NMRK2: variants seen among roughly 807,000 people sequenced by gnomAD.
NMRK2 encodes the protein NRK 2.
NMRK2 carries 34 observed loss-of-function variants against 24.7 expected under a neutral mutation model. The observed-to-expected ratio is 1.37, with a 90% confidence interval of 1.05 to 1.83. NMRK2 has a LOEUF of 1.83. Among genes scored for constraint, NMRK2 ranks in the 40% most tolerant of loss-of-function variants. NMRK2 has a pLI of 0.00. For synonymous variants in NMRK2, 145 were observed against 125.6 expected (o/e 1.15, Z -1.03); for missense variants, 341 against 315.0 (o/e 1.08, Z -0.62).
intron 5 of NMRK2, among the ~76,000 whole-genome samples, chr19:3,939,092 G>A (rs1433258843): frequency 6.6e-6 from 1 of 151,314 alleles, no homozygotes; most frequent in African/African-American, 2.4e-5. Context: ...CAAGCCATCC[G>A]CCCGCCTCGG....
chr19:3,940,224 G>C (rs991599899), intron 6 of NMRK2, among the ~76,000 whole-genome samples: 8 of 145,424 alleles, frequency 5.5e-5, no homozygotes, highest in Non-Finnish European at 9.0e-5. Context: ...GCGTGCACCT[G>C]TAATTCCAGC....
chr19:3,941,943 C>T (rs749485858), intron 7 of NMRK2, 140 bp from the exon 8 acceptor site: 101 of 660,562 alleles, frequency 1.5e-4, no homozygotes, highest in Non-Finnish European at 2.3e-4. Context: ...GCCCGGCCCC[C>T]TCTTGCTGTT....
intron 5 of NMRK2, 148 bp downstream of exon 5, chr19:3,938,907 G>A (rs2145302027): frequency 1.6e-6 from 1 of 629,046 alleles, no homozygotes; most frequent in South Asian, 2.7e-5. Context: ...GGAGTGCAGT[G>A]GTGAGATCCT....
intron 2 of NMRK2, among the ~76,000 whole-genome samples, chr19:3,934,651 G>C (rs1274275933): frequency 6.6e-6 from 1 of 150,888 alleles, no homozygotes; most frequent in Non-Finnish European, 1.5e-5. Flanking sequence ...GTGTGATCTC[G>C]GCTCACTGCA....
At position 3,939,910 on chromosome 19, in the gene NMRK2, G is replaced by A; in HGVS notation, c.334G>A (p.Asp112Asn). ...FLLYSYKPLV[D>N]LYSRRYFLTV... is the part of the protein sequence containing the mutation. ...CCCCACTCCGCCCAGGCCCCTGGTG[G>A]ACTTGTACAGCCGCCGGTACTTCCT... is the stretch of plus-strand genomic sequence containing the variant. The change falls in exon 6 of 8, where the codon GAC becomes AAC. Residue 112 changes from aspartate to asparagine, a missense_variant. Transcript: ENST00000168977. The A allele has an allele frequency of 6.2e-7, 1 of 1,612,466 alleles. No homozygotes were observed. The highest frequency in any genetic ancestry group is 8.5e-7 in the Non-Finnish European group (1 of 1,178,704).
rs898664159 is a variant in NMRK2, at chr19:3,939,513, CA to C, written c.324-377del. On this transcript the variant is annotated intron_variant, in intron 5 of 7. Coordinates refer to ENST00000168977, the MANE Select transcript of NMRK2 (RefSeq NM_170678.3). ...TGGGCGACAGAGAGAGACTCCATCT[CA>C]AAAAAAAAATTAAAACTAAAAACTC... is the stretch of plus-strand genomic sequence containing the variant. Among the ~76,000 whole-genome samples the C allele has an allele frequency of 3.5e-4, 52 of 148,944 alleles. 1 individual carries two copies. The Middle Eastern group carries it at 0.017, about 49-fold the overall frequency.
At chr19:3,934,451 C>T (rs891839575) in intron 2 of NMRK2, among the ~76,000 whole-genome samples, 4 of 151,992 alleles carry the variant, frequency 2.6e-5, no homozygotes, top group African/African-American at 9.7e-5. Flanking sequence ...GTAACCAGCA[C>T]GGCTGGCTTT....
In NMRK2 at chr19:3,939,825, T is replaced by A. The variant is rs139753247; in HGVS notation, c.324-75T>A. ...CTCGCCACCCTCTGAAAGCCAAGGC[T>A]GGGGGGTTGGATATTTTGACTGCGG... is the stretch of plus-strand genomic sequence containing the variant. On this transcript the variant is annotated intron_variant, in intron 5 of 7. Transcript: ENST00000168977. The A allele has an allele frequency of 3.2e-3, 4,440 of 1,369,222 alleles. 27 individuals carry two copies. The highest frequency in any genetic ancestry group is 0.01 in the South Asian group (833 of 82,632). 84.8% of individuals were successfully genotyped at this position (1,369,222 alleles called of 1,614,324 possible).
Position 3,942,176 on chromosome 19 carries a change from C to T in NMRK2, c.596C>T (p.Ala199Val), listed in dbSNP as rs751214143. Reference sequence around the variant, plus strand: ...CTGCTGAACCGCTCCCAGGAATCAGCCCCCTCCCCGGCTCGCCCAGCCAGG... The same window carrying T: ...CTGCTGAACCGCTCCCAGGAATCAGTCCCCTCCCCGGCTCGCCCAGCCAGG... ...NSLLNRSQESAPSPARPARTQ... is the reference protein window; with the variant it reads ...NSLLNRSQESVPSPARPARTQ... The change falls in exon 8 of 8, where the codon GCC (alanine) becomes GTC (valine). Residue 199 changes from alanine to valine, a missense_variant. Ala to Val is a moderately conservative substitution (Grantham distance 64). Transcript: ENST00000168977. 6.2e-7 allele frequency: 1 copy of T among 1,613,260 alleles called. No homozygotes were observed. Among genetic ancestry groups the T allele is most frequent in the Non-Finnish European group, 8.5e-7 (1 of 1,179,998 alleles).
chr19:3,935,853 G>A (rs912367105), intron 2 of NMRK2, among the ~76,000 whole-genome samples: 2 of 151,994 alleles, frequency 1.3e-5, no homozygotes, highest in African/African-American at 4.8e-5. Context: ...TTACAGGCAT[G>A]AGCCACCGTG....
chr19:3,935,729 A>G (rs1015020708), intron 2 of NMRK2, among the ~76,000 whole-genome samples: 4 of 151,720 alleles, frequency 2.6e-5, no homozygotes, highest in African/African-American at 9.7e-5. Flanking sequence ...ACAGGCATGC[A>G]CCACCACACC....
intron 2 of NMRK2, among the ~76,000 whole-genome samples, chr19:3,934,213 C>T (rs990516870): frequency 6.6e-5 from 10 of 152,132 alleles, no homozygotes; most frequent in Non-Finnish European, 8.8e-5. Flanking sequence ...TGCCACTTCA[C>T]TCCAGCCTGG....
Position 3,936,637 on chromosome 19 carries a change from GC to G in NMRK2, c.90del (p.Cys30TrpfsTer2). 6.4e-7 allele frequency: 1 copy of G among 1,572,954 alleles called. No individual in the cohort carries two copies. The highest frequency in any genetic ancestry group is 8.6e-7 in the Non-Finnish European group (1 of 1,159,364). On this transcript the variant is annotated frameshift_variant, in exon 3 of 8. Coordinates refer to ENST00000168977, the MANE Select transcript of NMRK2 (RefSeq NM_170678.3). LOFTEE classifies it high-confidence loss of function. ...CTGCTCAGAGCCCTGCCCAACTGCT[GC>G]GTGATCCATCAGGATGACTTCTTCA... ...NSLLRALPNCCVIHQDDFFKP... is the reference protein window; with the variant it reads ...NSLLRALPNCXVIHQDDFFKP...
chr19:3,942,002 C>T (rs1305443374), intron 7 of NMRK2, 81 bp from the exon 8 acceptor site: 3 of 1,196,242 alleles, frequency 2.5e-6, no homozygotes, highest in Non-Finnish European at 3.6e-6. Context: ...TCTCCTTGCT[C>T]CTGACCCAGC....
chr19:3,938,023 C>T (rs1301954640), intron 4 of NMRK2, among the ~76,000 whole-genome samples: 4 of 138,214 alleles, frequency 2.9e-5, no homozygotes. Context: ...CCGGGGTCTG[C>T]CCTCCTGCAA....
chr19:3,936,427 C>T, intron 2 of NMRK2, 148 bp from the exon 3 acceptor site: 1 of 553,418 alleles, frequency 1.8e-6, no homozygotes, highest in Non-Finnish European at 3.1e-6. Context: ...GAAAAAGAAT[C>T]AGAAAAATCC....
chr19:3,933,572 G>GT lies in NMRK2; in HGVS notation c.-96dup. 2.1e-6 allele frequency: 3 copies of GT among 1,426,812 alleles called. No individual in the cohort carries two copies. Among genetic ancestry groups the GT allele is most frequent in the Non-Finnish European group, 9.4e-7 (1 of 1,066,882 alleles). The allele number at this position is 1,426,812 out of a possible 1,614,324, so 88.4% of individuals were successfully genotyped here. A position where few individuals can be genotyped will look rare whatever the true frequency, so the allele number is the denominator to read the frequency against. The stretch of plus-strand genomic sequence containing the variant: ...CTGCCGAGACCTATAAAGGCGCCAG[G>GT]TTTTCTCAATGAAGCCGGGACGCAC... On this transcript the variant is annotated 5_prime_UTR_variant, in exon 2 of 8. Coordinates refer to ENST00000168977, the MANE Select transcript of NMRK2 (RefSeq NM_170678.3).
At position 3,933,526 on chromosome 19, in the gene NMRK2, TC is replaced by T; in HGVS notation, c.-141del. On this transcript the variant is annotated 5_prime_UTR_variant, in exon 2 of 8. Transcript: ENST00000168977. ...CTCCGCCCCATCCCCAGGGGCCGCC[TC>T]CCCCGGGGCGGCCTCCAGGCTGCCG... 4.7e-6 allele frequency: 4 copies of T among 852,260 alleles called. No individual in the cohort carries two copies. The highest frequency in any genetic ancestry group is 3.3e-5 in the East Asian group (1 of 30,164). 52.8% of individuals were successfully genotyped at this position (852,260 alleles called of 1,614,324 possible). A position where few individuals can be genotyped will look rare whatever the true frequency, so the allele number is the denominator to read the frequency against.
chr19:3,933,520 G>T lies in NMRK2; in HGVS notation c.-152G>T, dbSNP rs2039151836. On this transcript the variant is annotated 5_prime_UTR_variant, in exon 2 of 8. Coordinates refer to ENST00000168977, the MANE Select transcript of NMRK2 (RefSeq NM_170678.3). The stretch of plus-strand genomic sequence containing the variant: ...CGGCGCCTCCGCCCCATCCCCAGGG[G>T]CCGCCTCCCCCGGGGCGGCCTCCAG... The T allele has an allele frequency of 1.3e-6, 1 of 791,288 alleles. No individual in the cohort carries two copies. 49.0% of individuals were successfully genotyped at this position (791,288 alleles called of 1,614,324 possible).
Sources: gnomAD v4.1 joint callset for allele counts (sites outside exome capture counted in the v4.1 genomes callset) on GRCh38, gnomAD v4.1.1 for gene constraint, MANE v1.5 for transcripts, NCBI Gene and HGNC (gene_info 2026-07-23, HGNC 2026-07-21) for gene names.